PCDHA7: variants seen among roughly 807,000 people sequenced by gnomAD.
PCDHA7 encodes the protein protocadherin alpha-7.
Under a neutral mutation model 57.2 loss-of-function variants are expected in PCDHA7, and 37 were observed. The ratio of observed to expected loss-of-function variants is 0.65; its 90% CI spans 0.50 to 0.85. The LOEUF (loss-of-function observed/expected upper bound fraction) is 0.85. Ranked by LOEUF, PCDHA7 falls within the 40% of genes least tolerant of loss-of-function variation. PCDHA7 has a pLI of 0.00. For synonymous variants in PCDHA7, 553 were observed against 558.8 expected, an observed-to-expected ratio of 0.99 and a Z score of 0.15; for missense variants, 1,188 against 1,241.8, an observed-to-expected ratio of 0.96 and a Z score of 0.65.
intron 1 of PCDHA7, chr5:140,884,522 C>T: frequency 6.2e-7 from 1 of 1,614,058 alleles, no homozygotes. Flanking sequence ...GTCGTACTCG[C>T]AGCAGAGGCG....
chr5:141,002,095 C>G (rs1341792848), intron 3 of PCDHA7, among the ~76,000 whole-genome samples: 1 of 152,234 alleles, frequency 6.6e-6, no homozygotes, highest in Non-Finnish European at 1.5e-5. Flanking sequence ...AGTCCAGGGG[C>G]TGGGCCGGAA....
chr5:141,003,608 C>T (rs951443168), intron 3 of PCDHA7, among the ~76,000 whole-genome samples: 3 of 152,136 alleles, frequency 2.0e-5, no homozygotes, highest in East Asian at 1.9e-4. Flanking sequence ...CCACCATTCC[C>T]GGCCCCAGAG....
intron 1 of PCDHA7, among the ~76,000 whole-genome samples, chr5:140,945,791 G>T (rs782283550): frequency 1.3e-5 from 2 of 152,064 alleles, no homozygotes; most frequent in Non-Finnish European, 2.9e-5. Flanking sequence ...GCAGAAAAAT[G>T]AAACTAGACC....
At chr5:140,968,480 A>G in intron 1 of PCDHA7, 1 of 1,614,140 alleles carries the variant, frequency 6.2e-7, no homozygotes. Flanking sequence ...TGTGGTGGAC[A>G]TGAATGACCA....
intron 1 of PCDHA7, among the ~76,000 whole-genome samples, chr5:140,950,195 C>T (rs186601471): frequency 6.6e-6 from 1 of 152,028 alleles, no homozygotes; most frequent in South Asian, 2.1e-4. Flanking sequence ...AAAAAATAGT[C>T]ATTTCTGTTT....
chr5:140,857,017 T>C (rs1432761936), intron 1 of PCDHA7: 1 of 1,596,216 alleles, frequency 6.3e-7, no homozygotes, highest in African/African-American at 1.3e-5. Flanking sequence ...ATGTTACAGA[T>C]AAGGGAAACC....
chr5:140,920,841 TAA>T (rs781921146), intron 1 of PCDHA7, among the ~76,000 whole-genome samples: 15 of 109,130 alleles, frequency 1.4e-4, no homozygotes, highest in Admixed American at 1.9e-4. Flanking sequence ...AGACCAAATC[TAA>T]AAAAAAAAAA....
chr5:141,001,102 A>T (rs1197761807), intron 3 of PCDHA7, among the ~76,000 whole-genome samples: 1 of 152,076 alleles, frequency 6.6e-6, no homozygotes, highest in African/African-American at 2.4e-5. Context: ...TCTAATCCAT[A>T]ATAAGCAATC....
intron 1 of PCDHA7, among the ~76,000 whole-genome samples, chr5:140,840,138 T>C (rs1477164844): frequency 2.6e-5 from 4 of 151,960 alleles, no homozygotes; most frequent in Non-Finnish European, 4.4e-5. Flanking sequence ...GGACAGAAAT[T>C]ATCACACGTG....
intron 1 of PCDHA7, chr5:140,926,908 G>A: frequency 6.4e-7 from 1 of 1,560,434 alleles, no homozygotes; most frequent in South Asian, 1.2e-5. Context: ...GGGCTGTGGG[G>A]TGGCAGTTTT....
chr5:140,884,549 G>A (rs782470468), intron 1 of PCDHA7: 3 of 1,614,016 alleles, frequency 1.9e-6, no homozygotes, highest in African/African-American at 1.3e-5. Context: ...GGTGTGCTCT[G>A]GGGAGGGCCC....
At chr5:140,904,214 C>T (rs2070953663) in intron 1 of PCDHA7, among the ~76,000 whole-genome samples, 1 of 151,882 alleles carries the variant, frequency 6.6e-6, no homozygotes, top group South Asian at 2.1e-4. Flanking sequence ...TCCCCAAAGT[C>T]CATTGTATTA....
At chr5:141,007,199 G>A (rs561958637) in intron 3 of PCDHA7, among the ~76,000 whole-genome samples, 3 of 152,036 alleles carry the variant, frequency 2.0e-5, no homozygotes, top group African/African-American at 7.2e-5. Flanking sequence ...TGATGGTGGG[G>A]GCCAGAATAT....
At chr5:140,856,403 G>T in intron 1 of PCDHA7, 2 of 1,598,562 alleles carry the variant, frequency 1.3e-6, no homozygotes, top group South Asian at 2.2e-5. Context: ...TTTCCATGTG[G>T]ACGTGGAAGT....
chr5:140,896,465 C>T (rs967658819), intron 1 of PCDHA7, among the ~76,000 whole-genome samples: 8 of 151,988 alleles, frequency 5.3e-5, no homozygotes, highest in South Asian at 4.1e-4. Context: ...TGGGTTCAAG[C>T]GGTTCTCCTG....
At position 141,010,718 on chromosome 5, in the gene PCDHA7, T is replaced by C. The variant is rs2154002137; in HGVS notation, c.*781T>C. Reference sequence around the variant, plus strand: ...TTTCCTATACATGTCCTGTGCTCACTTTATTAAAAATTCTTTTGCACACAA... The same window carrying C: ...TTTCCTATACATGTCCTGTGCTCACCTTATTAAAAATTCTTTTGCACACAA... On this transcript the variant is annotated 3_prime_UTR_variant, in exon 4 of 4. Coordinates refer to ENST00000525929, the MANE Select transcript of PCDHA7 (RefSeq NM_018910.3). The C allele has an allele frequency of 6.5e-6, 1 of 154,542 alleles. No homozygotes were observed. The highest frequency in any genetic ancestry group is 1.9e-4 in the East Asian group (1 of 5,208). 9.6% of individuals were successfully genotyped at this position (154,542 alleles called of 1,614,324 possible). A position where few individuals can be genotyped will look rare whatever the true frequency, so the allele number is the denominator to read the frequency against.
In PCDHA7 at chr5:140,836,357, G is replaced by C; in HGVS notation, c.1974G>C (p.Ser658=). 3.7e-6 allele frequency: 6 copies of C among 1,613,654 alleles called. No individual in the cohort carries two copies. Among genetic ancestry groups the C allele is most frequent in the Non-Finnish European group, 5.1e-6 (6 of 1,179,834 alleles). ...TTGTGAAGGACCACGGGGAGCCCTC[G>C]CTGACAGCCACAGCCACCGTGCTGG... The part of the protein sequence containing the change: ...LVLVKDHGEP[S]LTATATVLVS... The change falls in exon 1 of 4, where the codon TCG becomes TCC. Residue 658 remains serine, a synonymous_variant. Transcript: ENST00000525929.
intron 1 of PCDHA7, among the ~76,000 whole-genome samples, chr5:140,963,905 G>A (rs1326633249): frequency 6.6e-6 from 1 of 152,182 alleles, no homozygotes; most frequent in African/African-American, 2.4e-5. Flanking sequence ...TGAGTAAAGT[G>A]AAGCTTAGGC....
intron 1 of PCDHA7, among the ~76,000 whole-genome samples, chr5:140,873,200 T>C (rs1462660228): frequency 6.6e-6 from 1 of 152,228 alleles, no homozygotes; most frequent in Non-Finnish European, 1.5e-5. Context: ...GCTAAAAACA[T>C]TCTTTAAGTA....
Sources: allele counts gnomAD v4.1 joint callset (sites outside exome capture counted in the v4.1 genomes callset), GRCh38; gene constraint gnomAD v4.1.1; transcripts MANE v1.5; gene names NCBI Gene and HGNC (gene_info 2026-07-23, HGNC 2026-07-21).